The following SASH1 variants were observed in gnomAD, a reference collection of about 807,000 sequenced individuals.
The protein encoded by SASH1 is SAM and SH3 domain-containing protein 1.
In SASH1, 44 loss-of-function variants were observed where a neutral mutation model predicts 125.2. The observed-to-expected ratio is 0.35, with a 90% CI of 0.28 to 0.45. The LOEUF (loss-of-function observed/expected upper bound fraction) is 0.45, where lower values mean the gene tolerates loss of function less well. Among genes scored for constraint, SASH1 ranks in the 20% least tolerant of loss-of-function variants. The pLI, the probability that SASH1 is intolerant of heterozygous loss-of-function variation, is 1.00. For synonymous variants in SASH1, 639 were observed against 649.1 expected (o/e 0.98, Z 0.24); for missense variants, 1,426 against 1,614.5 (o/e 0.88, Z 2.00).
intron 1 of SASH1, among the ~76,000 whole-genome samples, chr6:148,311,070 C>T (rs1366137593): frequency 6.6e-6 from 1 of 151,924 alleles, no homozygotes; most frequent in East Asian, 1.9e-4. Context: ...AGCACCACCA[C>T]ACCTAAGCTT....
rs1026441805 is a variant in SASH1 at position 148,508,862 on chromosome 6, C to G, written c.730-5462C>G. 5.4e-6 allele frequency: 7 copies of G among 1,287,094 alleles called. No individual in the cohort carries two copies. The African/African-American group carries it at 9.1e-5, about 17-fold the overall frequency. 79.7% of individuals were successfully genotyped at this position (1,287,094 alleles called of 1,614,324 possible). On this transcript the variant is annotated intron_variant, in intron 8 of 19. Coordinates refer to ENST00000367467, the MANE Select transcript of SASH1 (RefSeq NM_015278.5). ...TCTTCAGAATTACCCCTTAGGCTTGCTAAATGCCGAAGCCGGTAAGTCACT... is the reference window on the plus strand; with the variant it reads ...TCTTCAGAATTACCCCTTAGGCTTGGTAAATGCCGAAGCCGGTAAGTCACT...
At chr6:148,365,920 C>T (rs1243779953) in intron 1 of SASH1, among the ~76,000 whole-genome samples, 1 of 152,122 alleles carries the variant, frequency 6.6e-6, no homozygotes, top group African/African-American at 2.4e-5. Flanking sequence ...TGAGACCAGC[C>T]TGGCCAAAGT....
chr6:148,330,312 G>A (rs1187729586), intron 1 of SASH1, among the ~76,000 whole-genome samples: 2 of 152,192 alleles, frequency 1.3e-5, no homozygotes, highest in Non-Finnish European at 2.9e-5. Flanking sequence ...TTTGTTCTAT[G>A]CACATAACAC....
chr6:148,256,532 G>A, the SASH1 span, among the ~76,000 whole-genome samples: 1 of 152,240 alleles, frequency 6.6e-6, no homozygotes, highest in African/African-American at 2.4e-5. Context: ...CCTTCATTTT[G>A]TTGGTATGCT....
chr6:148,490,155 G>A (rs1212694060), intron 8 of SASH1, among the ~76,000 whole-genome samples: 1 of 151,104 alleles, frequency 6.6e-6, no homozygotes, highest in Non-Finnish European at 1.5e-5. Flanking sequence ...CCAAAACAGT[G>A]CTTCTTATTC....
chr6:148,217,596 C>T, the SASH1 span, among the ~76,000 whole-genome samples: 1 of 152,124 alleles, frequency 6.6e-6, no homozygotes, highest in Admixed American at 6.5e-5. Context: ...GCCCACCAGC[C>T]TTACAGTCTG....
chr6:148,426,769 A>C (rs1382133375), intron 2 of SASH1, among the ~76,000 whole-genome samples: 1 of 152,194 alleles, frequency 6.6e-6, no homozygotes, highest in Non-Finnish European at 1.5e-5. Flanking sequence ...AAAGGAAATG[A>C]GCTTATGTAG....
chr6:148,339,078 A>G (rs1311604346), upstream of SASH1, among the ~76,000 whole-genome samples: 2 of 152,042 alleles, frequency 1.3e-5, no homozygotes, highest in African/African-American at 2.4e-5. Flanking sequence ...AGGAGTGACA[A>G]GTGACATTAA....
At chr6:148,365,367 C>G (rs1177045877) in intron 1 of SASH1, among the ~76,000 whole-genome samples, 1 of 151,704 alleles carries the variant, frequency 6.6e-6, no homozygotes, top group African/African-American at 2.4e-5. Context: ...ATTTAGGAAG[C>G]CTGATGGCCA....
chr6:148,203,744 A>G, the SASH1 span, among the ~76,000 whole-genome samples: 1 of 152,180 alleles, frequency 6.6e-6, no homozygotes, highest in African/African-American at 2.4e-5. Flanking sequence ...TGGGCTAACT[A>G]TTGGATGCCA....
the SASH1 span, among the ~76,000 whole-genome samples, chr6:148,264,267 T>C: frequency 6.6e-6 from 1 of 151,906 alleles, no homozygotes; most frequent in Non-Finnish European, 1.5e-5. Flanking sequence ...TCTATATCTC[T>C]GTCCCAGCTG....
intron 2 of SASH1, among the ~76,000 whole-genome samples, chr6:148,391,862 G>A (rs1783741259): frequency 6.6e-6 from 1 of 152,148 alleles, no homozygotes; most frequent in Non-Finnish European, 1.5e-5. Flanking sequence ...CAAGAAGTGG[G>A]GTTGAGGCAG....
At chr6:148,338,519 T>C (rs1351563964), upstream of SASH1, among the ~76,000 whole-genome samples, 2 of 152,166 alleles carry the variant, frequency 1.3e-5, no homozygotes, top group African/African-American at 2.4e-5. Context: ...ATCATTCAAG[T>C]TCTCTGGAGC....
Position 148,419,763 on chromosome 6 carries a change from G to GA in SASH1, c.286-20418dup, listed in dbSNP as rs532014674. ...AAAAAGACATGCTATGTGCTAGGGG[G>GA]AAATTGGCTTAGTTTGTGTACATGG... On this transcript the variant is annotated intron_variant, in intron 2 of 19. Transcript: ENST00000367467. Among the ~76,000 whole-genome samples, 92 of 152,280 alleles carry GA rather than the reference G, an allele frequency of 6.0e-4. No homozygotes were observed. In the East Asian group the frequency reaches 0.016, roughly 27 times the overall value.
At chr6:148,193,884 G>A in the SASH1 span, among the ~76,000 whole-genome samples, 7 of 152,164 alleles carry the variant, frequency 4.6e-5, no homozygotes, top group Non-Finnish European at 1.0e-4. Context: ...TTATGACTTT[G>A]TGGAAGCAAT....
chr6:148,510,995 C>T (rs1356021941), intron 8 of SASH1, among the ~76,000 whole-genome samples: 1 of 115,366 alleles, frequency 8.7e-6, no homozygotes, highest in African/African-American at 3.4e-5. Context: ...GACTCCATCT[C>T]AAAAAAAAAA....
the SASH1 span, among the ~76,000 whole-genome samples, chr6:148,264,083 A>G: frequency 6.6e-6 from 1 of 151,914 alleles, no homozygotes; most frequent in Non-Finnish European, 1.5e-5. Flanking sequence ...GGCTGGATGT[A>G]ACTTTCAACA....
the SASH1 span, among the ~76,000 whole-genome samples, chr6:148,228,224 G>A: frequency 2.0e-5 from 3 of 152,192 alleles, no homozygotes; most frequent in African/African-American, 4.8e-5. Context: ...ATATAGATAT[G>A]TATGATATCT....
intron 4 of SASH1, among the ~76,000 whole-genome samples, chr6:148,457,985 G>A (rs1355572009): frequency 6.6e-6 from 1 of 152,200 alleles, no homozygotes. Context: ...TCTCACCCCT[G>A]TTGGCGACAC....
Sources: allele counts gnomAD v4.1 joint callset (sites outside exome capture counted in the v4.1 genomes callset), GRCh38; gene constraint gnomAD v4.1.1; transcripts MANE v1.5; gene names NCBI Gene and HGNC (gene_info 2026-07-23, HGNC 2026-07-21).